Variants in ANO10 observed in about 807,000 individuals in gnomAD.
The protein encoded by ANO10 is anoctamin-10.
Under a neutral mutation model 74.7 loss-of-function variants are expected in ANO10, and 77 were observed. The observed-to-expected ratio is 1.03, with a 90% CI of 0.86 to 1.25. The LOEUF (loss-of-function observed/expected upper bound fraction) is 1.25. Among genes scored for constraint, ANO10 ranks in the 50% most tolerant of loss-of-function variants. The pLI is 0.00. For synonymous variants in ANO10, 279 were observed against 284.9 expected (o/e 0.98, Z 0.21); for missense variants, 721 against 778.1 (o/e 0.93, Z 0.87).
intron 1 of ANO10, among the ~76,000 whole-genome samples, chr3:43,679,686 C>A (rs902080673): frequency 3.3e-5 from 5 of 152,200 alleles, no homozygotes; most frequent in African/African-American, 9.6e-5. Flanking sequence ...TGGGAGGCAT[C>A]CCCCAGTAGG....
chr3:43,448,522 T>C (rs2093282120), intron 11 of ANO10, among the ~76,000 whole-genome samples: 1 of 152,236 alleles, frequency 6.6e-6, no homozygotes, highest in Middle Eastern at 3.2e-3. Context: ...CATGGCTTGA[T>C]AGCTCATTTC....
chr3:43,621,692 C>A, intron 1 of ANO10: 1 of 153,052 alleles, frequency 6.5e-6, no homozygotes, highest in Non-Finnish European at 1.5e-5. Context: ...CGCCGCTCCC[C>A]GCAACACCTT....
chr3:43,412,027 C>A (rs1410748332), intron 12 of ANO10, among the ~76,000 whole-genome samples: 5 of 147,434 alleles, frequency 3.4e-5, no homozygotes, highest in Non-Finnish European at 1.5e-5. Flanking sequence ...TATATATTTA[C>A]ATATTTTATA....
intron 1 of ANO10, among the ~76,000 whole-genome samples, chr3:43,633,148 T>TC (rs1224741748): frequency 2.6e-5 from 4 of 152,066 alleles, no homozygotes; most frequent in African/African-American, 9.7e-5. Flanking sequence ...ACCTATCTCG[T>TC]CCCCCCGGAA....
intron 1 of ANO10, among the ~76,000 whole-genome samples, chr3:43,676,291 T>C (rs1393445683): frequency 2.0e-5 from 3 of 147,582 alleles, no homozygotes; most frequent in Admixed American, 6.7e-5. Flanking sequence ...AGACCCTGTA[T>C]GTACAAAAAA....
intron 11 of ANO10, among the ~76,000 whole-genome samples, chr3:43,447,505 C>CT (rs1242571240): frequency 6.6e-6 from 1 of 152,044 alleles, no homozygotes; most frequent in Non-Finnish European, 1.5e-5. Context: ...TTGCATTTTG[C>CT]TTTTTTTGTA....
rs146558033 is a variant in ANO10, at chr3:43,496,908, C to T, written c.1797+52812G>A. Among the ~76,000 whole-genome samples, 785 of 152,244 alleles carry T rather than the reference C, an allele frequency of 5.2e-3. 5 individuals are homozygous for T. The highest frequency in any genetic ancestry group is 0.017 in the African/African-American group (713 of 41,552). ...GATGTACAGTGATGTAAGCTCCTTC[C>T]TGTTCCTGATGATGCACAGTGATTT... On this transcript the variant is annotated intron_variant, in intron 11 of 12. Transcript: ENST00000292246.
In ANO10 at chr3:43,492,767, C is replaced by T. The variant is rs961446505; in HGVS notation, c.1797+56953G>A. On this transcript the variant is annotated intron_variant, in intron 11 of 12. Transcript: ENST00000292246. ...ATCTCATGCCAGTTAGAATGGTGGT[C>T]ATTAAAAAGTCATGAAACAACAGAT... Among the ~76,000 whole-genome samples, 7 of 152,102 alleles carry T rather than the reference C, an allele frequency of 4.6e-5. No individual in the cohort carries two copies. The East Asian group carries it at 1.2e-3, about 25-fold the overall frequency.
intron 11 of ANO10, among the ~76,000 whole-genome samples, chr3:43,468,714 CTTT>C (rs202046317): frequency 2.1e-5 from 3 of 141,384 alleles, no homozygotes; most frequent in Non-Finnish European, 3.1e-5. Context: ...TTTTTGTTTT[CTTT>C]TTTTTTTTTT....
At chr3:43,610,636 T>C (rs1233680454) in intron 1 of ANO10, among the ~76,000 whole-genome samples, 1 of 152,230 alleles carries the variant, frequency 6.6e-6, no homozygotes, top group Non-Finnish European at 1.5e-5. Context: ...AGTCTGTTGT[T>C]GACCAAAATG....
chr3:43,366,011 C>G lies in ANO10; in HGVS notation c.*895G>C, dbSNP rs2091402779. 6.5e-6 allele frequency: 1 copy of G among 152,718 alleles called. No individual in the cohort carries two copies. Among genetic ancestry groups the G allele is most frequent in the Non-Finnish European group, 1.5e-5 (1 of 68,432 alleles). 9.5% of individuals were successfully genotyped at this position (152,718 alleles called of 1,614,324 possible). ...AATGCAGGGCAGTCCATGGACACAGCTAGGGAGGTGGGCAGCACCACTGGG... is the reference window on the plus strand; with the variant it reads ...AATGCAGGGCAGTCCATGGACACAGGTAGGGAGGTGGGCAGCACCACTGGG... On this transcript the variant is annotated 3_prime_UTR_variant, in exon 13 of 13. Coordinates refer to ENST00000292246, the MANE Select transcript of ANO10 (RefSeq NM_018075.5).
chr3:43,505,786 T>C (rs1036195635), intron 11 of ANO10, among the ~76,000 whole-genome samples: 2 of 152,224 alleles, frequency 1.3e-5, no homozygotes, highest in African/African-American at 4.8e-5. Flanking sequence ...CTAAATAATA[T>C]GGTCCCTAAG....
At chr3:43,470,596 T>TTAA in intron 11 of ANO10, among the ~76,000 whole-genome samples, 1 of 143,908 alleles carries the variant, frequency 6.9e-6, no homozygotes, top group Non-Finnish European at 1.5e-5. Context: ...CTGGTAATTA[T>TTAA]TTTATTTATT....
At chr3:43,641,699 A>G (rs2083671915) in intron 1 of ANO10, among the ~76,000 whole-genome samples, 1 of 152,228 alleles carries the variant, frequency 6.6e-6, no homozygotes, top group Non-Finnish European at 1.5e-5. Flanking sequence ...ATTAGAGCAC[A>G]CATGGCACTG....
At chr3:43,574,340 G>A (rs2080894210) in intron 7 of ANO10, among the ~76,000 whole-genome samples, 1 of 148,436 alleles carries the variant, frequency 6.7e-6, no homozygotes, top group Non-Finnish European at 1.5e-5. Flanking sequence ...GTACCATCTT[G>A]GCTCACTGCA....
chr3:43,491,914 A>G (rs1402397469), intron 11 of ANO10, among the ~76,000 whole-genome samples: 1 of 152,214 alleles, frequency 6.6e-6, no homozygotes, highest in African/African-American at 2.4e-5. Context: ...AAATTAAAAC[A>G]TAAAGGTTGG....
intron 1 of ANO10, among the ~76,000 whole-genome samples, chr3:43,658,971 T>C (rs1323688264): frequency 6.6e-6 from 1 of 152,204 alleles, no homozygotes; most frequent in African/African-American, 2.4e-5. Flanking sequence ...AGCATTAAGT[T>C]GAATATTTAT....
At chr3:43,458,470 A>G (rs1018279621) in intron 11 of ANO10, among the ~76,000 whole-genome samples, 1 of 152,222 alleles carries the variant, frequency 6.6e-6, no homozygotes, top group Admixed American at 6.5e-5. Context: ...AAATTCCTCC[A>G]CATCCTCCTT....
intron 5 of ANO10, 66 bp from the exon 6 acceptor site, chr3:43,577,327 T>A (rs1020895964): frequency 1.8e-5 from 26 of 1,475,400 alleles, no homozygotes; most frequent in Non-Finnish European, 2.3e-5. Flanking sequence ...TCATTTCAAG[T>A]ACGCTTATTC....
Sources: allele counts gnomAD v4.1 joint callset (sites outside exome capture counted in the v4.1 genomes callset), GRCh38; gene constraint gnomAD v4.1.1; transcripts MANE v1.5; gene names NCBI Gene and HGNC (gene_info 2026-07-23, HGNC 2026-07-21).